The following GLIS3 variants were observed in gnomAD, a reference collection of about 807,000 sequenced individuals.
GLIS3 encodes zinc finger protein GLIS3.
A neutral mutation model predicts 78.6 loss-of-function variants in GLIS3; 53 were observed. The observed-to-expected ratio is 0.67, with a 90% CI of 0.54 to 0.85. The LOEUF (loss-of-function observed/expected upper bound fraction) is 0.85, where lower values mean the gene tolerates loss of function less well. Ranked by LOEUF, GLIS3 falls within the 40% of genes least tolerant of loss-of-function variation. The pLI is 0.00. For synonymous variants in GLIS3, 684 were observed against 509.9 expected (o/e 1.34, Z -4.60); for missense variants, 1,703 against 1,231.1 (o/e 1.38, Z -5.74).
Position 4,012,314 on chromosome 9 carries a change from T to C in GLIS3, c.1711-75125A>G, listed in dbSNP as rs528777451. ...CAAACCGATGAATTTCTATTAGGTATTGGAAGAGTGTGGTTAAAAGTAGTC... is the reference window on the plus strand; with the variant it reads ...CAAACCGATGAATTTCTATTAGGTACTGGAAGAGTGTGGTTAAAAGTAGTC... On this transcript the variant is annotated intron_variant, in intron 4 of 10. Transcript: ENST00000381971. Among the ~76,000 whole-genome samples the C allele has an allele frequency of 6.8e-4, 103 of 152,308 alleles. No homozygotes were observed. The Middle Eastern group carries it at 0.01, about 15-fold the overall frequency.
chr9:3,904,208 A>G (rs1277555840), intron 6 of GLIS3, among the ~76,000 whole-genome samples: 1 of 152,186 alleles, frequency 6.6e-6, no homozygotes, highest in African/African-American at 2.4e-5. Context: ...GTACTGTGGA[A>G]TTCTCTTGAT....
intron 2 of GLIS3, among the ~76,000 whole-genome samples, chr9:4,261,324 G>A (rs1316147231): frequency 1.3e-5 from 2 of 152,120 alleles, no homozygotes; most frequent in East Asian, 3.9e-4. Flanking sequence ...TTGATACTCT[G>A]CCATAATGGA....
chr9:4,354,778 C>T, the GLIS3 span, among the ~76,000 whole-genome samples: 1 of 152,124 alleles, frequency 6.6e-6, no homozygotes, highest in African/African-American at 2.4e-5. Context: ...CAAATTCCAC[C>T]CTCAAAGAGT....
chr9:4,208,537 G>A (rs1164700242), intron 2 of GLIS3, among the ~76,000 whole-genome samples: 1 of 152,180 alleles, frequency 6.6e-6, no homozygotes, highest in African/African-American at 2.4e-5. Context: ...GCTGGAGTGG[G>A]CAGGATTGGA....
intron 4 of GLIS3, among the ~76,000 whole-genome samples, chr9:4,032,875 A>C (rs1823965584): frequency 6.6e-6 from 1 of 150,880 alleles, no homozygotes; most frequent in Non-Finnish European, 1.5e-5. Flanking sequence ...TTTTCCTGAG[A>C]CAGAGTCTCG....
the GLIS3 span, among the ~76,000 whole-genome samples, chr9:4,396,806 TAGTG>T: frequency 6.6e-6 from 1 of 152,212 alleles, no homozygotes; most frequent in East Asian, 1.9e-4. Flanking sequence ...GTTTTAAAAT[TAGTG>T]CCAGTCCATT....
the GLIS3 span, among the ~76,000 whole-genome samples, chr9:4,481,578 T>C: frequency 2.5e-4 from 38 of 151,910 alleles, no homozygotes; most frequent in African/African-American, 8.9e-4. Context: ...CCCCATGTAA[T>C]TCCCATGTAA....
intron 2 of GLIS3, among the ~76,000 whole-genome samples, chr9:4,138,732 T>C (rs764401949): frequency 6.6e-5 from 10 of 152,216 alleles, no homozygotes; most frequent in Admixed American, 2.0e-4. Context: ...GGGATGATAA[T>C]TGTTCCCACC....
intron 4 of GLIS3, among the ~76,000 whole-genome samples, chr9:4,015,978 G>A (rs957409954): frequency 1.3e-5 from 2 of 150,344 alleles, no homozygotes; most frequent in African/African-American, 4.9e-5. Context: ...GGTAAATACT[G>A]TATAGCTAAT....
intron 2 of GLIS3, among the ~76,000 whole-genome samples, chr9:4,341,089 T>C (rs1184942243): frequency 2.0e-5 from 3 of 152,224 alleles, no homozygotes; most frequent in Non-Finnish European, 4.4e-5. Flanking sequence ...CTGTTATCTC[T>C]TCTGGTCCAA....
At chr9:4,229,598 G>A (rs1822079887) in intron 2 of GLIS3, among the ~76,000 whole-genome samples, 1 of 151,984 alleles carries the variant, frequency 6.6e-6, no homozygotes, top group Non-Finnish European at 1.5e-5. Flanking sequence ...CTGGTTCTCT[G>A]GATTTATTAA....
At chr9:4,181,090 A>C (rs747786185) in intron 2 of GLIS3, among the ~76,000 whole-genome samples, 4 of 152,202 alleles carry the variant, frequency 2.6e-5, no homozygotes, top group African/African-American at 4.8e-5. Flanking sequence ...CTCTAAGATG[A>C]GCAGATGCCT....
At chr9:4,372,927 G>A in the GLIS3 span, among the ~76,000 whole-genome samples, 1 of 152,186 alleles carries the variant, frequency 6.6e-6, no homozygotes, top group Non-Finnish European at 1.5e-5. Context: ...CAGGAACAAG[G>A]AGAACGGCTG....
At position 4,201,103 on chromosome 9, in the gene GLIS3, A is replaced by G. The variant is rs189021888; in HGVS notation, c.389-75162T>C. On this transcript the variant is annotated intron_variant, in intron 2 of 10. Coordinates refer to ENST00000381971, the MANE Select transcript of GLIS3 (RefSeq NM_001042413.2). The stretch of plus-strand genomic sequence containing the variant: ...CAAAACCACTCGATCATCTCAATAG[A>G]TGCAGAAAAAGCTTTTTATAAAATC... Among the ~76,000 whole-genome samples, 918 of 152,346 alleles carry G rather than the reference A, an allele frequency of 6.0e-3. 11 individuals carry two copies. Among genetic ancestry groups the G allele is most frequent in the African/African-American group, 0.021 (869 of 41,578 alleles).
chr9:4,100,730 G>C (rs1218484664), intron 4 of GLIS3, among the ~76,000 whole-genome samples: 3 of 152,076 alleles, frequency 2.0e-5, no homozygotes, highest in African/African-American at 7.2e-5. Flanking sequence ...AATATTGAGG[G>C]GGGGACAAAG....
chr9:4,074,432 A>T (rs1827884282), intron 4 of GLIS3, among the ~76,000 whole-genome samples: 1 of 152,168 alleles, frequency 6.6e-6, no homozygotes, highest in South Asian at 2.1e-4. Flanking sequence ...TGGAAGGCTG[A>T]TGTCATCAAG....
rs947466041 is a variant in GLIS3, at chr9:3,857,568, G to C, written c.2298-1384C>G. Among the ~76,000 whole-genome samples the C allele has an allele frequency of 2.6e-5, 4 of 152,228 alleles. No individual in the cohort carries two copies. The East Asian group carries it at 7.7e-4, about 29-fold the overall frequency. On this transcript the variant is annotated intron_variant, in intron 8 of 10. Coordinates refer to ENST00000381971, the MANE Select transcript of GLIS3 (RefSeq NM_001042413.2). ...GAAAGTGAATGTAAGAACCAAGAAA[G>C]TAGGAGTAGGACTCGCTAACCTCTA...
At chr9:4,438,186 T>C in the GLIS3 span, among the ~76,000 whole-genome samples, 1 of 152,196 alleles carries the variant, frequency 6.6e-6, no homozygotes, top group Non-Finnish European at 1.5e-5. Context: ...TATTTTCAAA[T>C]AAAATATTTC....
At chr9:4,065,392 C>T (rs762055648) in intron 4 of GLIS3, among the ~76,000 whole-genome samples, 2 of 152,156 alleles carry the variant, frequency 1.3e-5, no homozygotes, top group Non-Finnish European at 2.9e-5. Context: ...TGTATAAAGA[C>T]CTTCACTTTT....
Sources: gnomAD v4.1 joint callset for allele counts (sites outside exome capture counted in the v4.1 genomes callset) on GRCh38, gnomAD v4.1.1 for gene constraint, MANE v1.5 for transcripts, NCBI Gene and HGNC (gene_info 2026-07-23, HGNC 2026-07-21) for gene names.